FFAR4: variants seen among roughly 807,000 people sequenced by gnomAD.
The protein encoded by FFAR4 is G-protein coupled receptor 120.
In FFAR4, 19 loss-of-function variants were observed where a neutral mutation model predicts 27.0. The observed-to-expected ratio is 0.70, with a 90% confidence interval of 0.49 to 1.03. The LOEUF (loss-of-function observed/expected upper bound fraction) is 1.03. Among genes scored for constraint, FFAR4 ranks in the 50% least tolerant of loss-of-function variants. The pLI is 0.00. For missense variants in FFAR4, 476 were observed against 479.0 expected, an observed-to-expected ratio of 0.99 and a Z score of 0.06; for synonymous variants, 254 against 215.6, an observed-to-expected ratio of 1.18 and a Z score of -1.56.
chr10:93,579,093 AG>A, intron 2 of FFAR4: 1 of 1,434,504 alleles, frequency 7.0e-7, no homozygotes, highest in Non-Finnish European at 9.8e-7. Context: ...ACCTCTAAAC[AG>A]CAGTTTACTC....
chr10:93,571,625 T>A (rs909318217), intron 1 of FFAR4, among the ~76,000 whole-genome samples: 2 of 152,210 alleles, frequency 1.3e-5, no homozygotes, highest in Non-Finnish European at 2.9e-5. Flanking sequence ...CGTTCATGTG[T>A]CTCTGCTGAG....
chr10:93,580,476 G>A (rs1276838270), intron 2 of FFAR4, among the ~76,000 whole-genome samples: 2 of 152,182 alleles, frequency 1.3e-5, no homozygotes, highest in African/African-American at 2.4e-5. Flanking sequence ...CCATGGCAAT[G>A]TTAGGTGTTA....
At chr10:93,578,913 G>A (rs2058182299) in intron 2 of FFAR4, among the ~76,000 whole-genome samples, 1 of 152,152 alleles carries the variant, frequency 6.6e-6, no homozygotes, top group African/African-American at 2.4e-5. Flanking sequence ...AGTTCCTTAG[G>A]CGCCAAGAGG....
At chr10:93,581,769 G>A (rs1337444833) in intron 2 of FFAR4, among the ~76,000 whole-genome samples, 1 of 152,146 alleles carries the variant, frequency 6.6e-6, no homozygotes, top group Non-Finnish European at 1.5e-5. Flanking sequence ...CAATCCGAAT[G>A]TCTGAAGGGG....
intron 1 of FFAR4, among the ~76,000 whole-genome samples, chr10:93,572,279 T>A (rs958974605): frequency 2.0e-5 from 3 of 152,078 alleles, no homozygotes; most frequent in African/African-American, 7.2e-5. Flanking sequence ...GTGTCCCCAC[T>A]GAGTGTGAAG....
At chr10:93,572,292 G>A (rs1397360972) in intron 1 of FFAR4, among the ~76,000 whole-genome samples, 2 of 152,170 alleles carry the variant, frequency 1.3e-5, no homozygotes, top group Non-Finnish European at 2.9e-5. Context: ...GTGTGAAGAT[G>A]AGAGGAAGTA....
chr10:93,586,568 T>G (rs2134558185), intron 2 of FFAR4, among the ~76,000 whole-genome samples: 1 of 152,264 alleles, frequency 6.6e-6, no homozygotes. Context: ...CTAGATAAAT[T>G]GCAACCACCA....
At chr10:93,576,947 G>A (rs2058167673) in intron 2 of FFAR4, among the ~76,000 whole-genome samples, 1 of 152,156 alleles carries the variant, frequency 6.6e-6, no homozygotes, top group African/African-American at 2.4e-5. Flanking sequence ...ATTCATGAAA[G>A]CAGCTCCCAG....
At chr10:93,582,267 A>G (rs896270829) in intron 2 of FFAR4, among the ~76,000 whole-genome samples, 1 of 152,080 alleles carries the variant, frequency 6.6e-6, no homozygotes, top group African/African-American at 2.4e-5. Flanking sequence ...GATCCAGGCC[A>G]GGTGCGGTGG....
chr10:93,566,744 AG>A lies in FFAR4; in HGVS notation c.25del (p.Ala9ArgfsTer109). The A allele has an allele frequency of 6.2e-7, 1 of 1,601,638 alleles. No homozygotes were observed. Among genetic ancestry groups the A allele is most frequent in the Non-Finnish European group, 8.5e-7 (1 of 1,176,984 alleles). MSPECARA[A>X]GDAPLRSLEQ... The stretch of plus-strand genomic sequence containing the variant: ...GAATGTCCCCTGAATGCGCGCGGGC[AG>A]CGGGCGACGCGCCCTTGCGCAGCCT... On this transcript the variant is annotated frameshift_variant, in exon 1 of 3. Coordinates refer to ENST00000371481, the MANE Select transcript of FFAR4 (RefSeq NM_001195755.2). LOFTEE classifies it high-confidence loss of function.
chr10:93,572,794 G>T (rs1288796770), intron 1 of FFAR4, among the ~76,000 whole-genome samples: 1 of 152,176 alleles, frequency 6.6e-6, no homozygotes, highest in Non-Finnish European at 1.5e-5. Context: ...TGTCCTCATG[G>T]CTATTGGGCA....
intron 2 of FFAR4, among the ~76,000 whole-genome samples, chr10:93,578,335 T>C (rs2058177038): frequency 7.0e-6 from 1 of 143,054 alleles, no homozygotes; most frequent in Admixed American, 7.6e-5. Context: ...GAGAATCACT[T>C]GAACCCAGGA....
chr10:93,572,885 G>A (rs181735164), intron 1 of FFAR4, among the ~76,000 whole-genome samples: 9 of 152,342 alleles, frequency 5.9e-5, no homozygotes, highest in South Asian at 2.1e-4. Flanking sequence ...AAATGAGTGA[G>A]ATGGCCAGGG....
chr10:93,579,119 G>A, intron 2 of FFAR4: 2 of 1,602,908 alleles, frequency 1.2e-6, no homozygotes, highest in South Asian at 1.1e-5. Flanking sequence ...AGCACCTTGT[G>A]TCTAAACCCA....
At chr10:93,585,237 C>T (rs886951925) in intron 2 of FFAR4, among the ~76,000 whole-genome samples, 3 of 152,148 alleles carry the variant, frequency 2.0e-5, no homozygotes, top group African/African-American at 7.2e-5. Flanking sequence ...ACTGCCAGCC[C>T]TGCTCATTAA....
At chr10:93,580,898 A>G (rs917057678) in intron 2 of FFAR4, among the ~76,000 whole-genome samples, 8 of 152,166 alleles carry the variant, frequency 5.3e-5, no homozygotes, top group African/African-American at 1.9e-4. Context: ...TTTCCAATCA[A>G]CAGTTTTCCC....
chr10:93,575,404 A>ACC (rs2058158027), intron 1 of FFAR4, among the ~76,000 whole-genome samples: 1 of 152,224 alleles, frequency 6.6e-6, no homozygotes, highest in South Asian at 2.1e-4. Flanking sequence ...AGTTAGTGTT[A>ACC]AACATTTGGA....
rs1554885567 is a variant in FFAR4 at position 93,578,427 on chromosome 10, A to AAAAAAAAAG, written c.696+2216_696+2217insGAAAAAAAA. On this transcript the variant is annotated intron_variant, in intron 2 of 2. Coordinates refer to ENST00000371481, the MANE Select transcript of FFAR4 (RefSeq NM_001195755.2). ...GTGAGATTCCCTCTCAAAAAAAAAA[A>AAAAAAAAAG]AAAAAAAAAAAAAACGAGAAAAACA... 3.7e-3 allele frequency among the ~76,000 whole-genome samples: 560 copies of AAAAAAAAAG among 151,106 alleles called. 3 individuals carry two copies. Among genetic ancestry groups the AAAAAAAAAG allele is most frequent in the African/African-American group, 0.013 (529 of 40,816 alleles).
At chr10:93,575,327 T>G (rs1322793823) in intron 1 of FFAR4, among the ~76,000 whole-genome samples, 1 of 152,244 alleles carries the variant, frequency 6.6e-6, no homozygotes, top group Non-Finnish European at 1.5e-5. Flanking sequence ...ATTTATTCAT[T>G]GGATGAAATT....
Sources: gnomAD v4.1 joint callset for allele counts (sites outside exome capture counted in the v4.1 genomes callset) on GRCh38, gnomAD v4.1.1 for gene constraint, MANE v1.5 for transcripts, NCBI Gene and HGNC (gene_info 2026-07-23, HGNC 2026-07-21) for gene names.